Variants in SMOC2 observed in about 807,000 individuals in gnomAD.
The protein encoded by SMOC2 is SPARC-related modular calcium-binding protein 2.
Under a neutral mutation model 61.4 loss-of-function variants are expected in SMOC2, and 39 were observed. The observed-to-expected ratio is 0.64, with a 90% CI of 0.49 to 0.83. The LOEUF (loss-of-function observed/expected upper bound fraction) is 0.83. Among genes scored for constraint, SMOC2 ranks in the 40% least tolerant of loss-of-function variants. SMOC2 has a pLI of 0.00. For synonymous variants in SMOC2, 247 were observed against 239.9 expected, an observed-to-expected ratio of 1.03 and a Z score of -0.27; for missense variants, 556 against 592.9, an observed-to-expected ratio of 0.94 and a Z score of 0.65.
chr6:168,664,527 C>A, intron 12 of SMOC2: 1 of 385,934 alleles, frequency 2.6e-6, no homozygotes, highest in South Asian at 2.0e-5. Context: ...TTTTTTCAAG[C>A]AATTGTCTGA....
Position 168,451,716 on chromosome 6 carries a change from C to A in SMOC2, c.84+10262C>A, listed in dbSNP as rs112649866. Reference sequence around the variant, plus strand: ...GCAATCTCTCTGACCTGAACATACACGTCCGTTAAGTTCTTTCTTTTTAGG... The same window carrying A: ...GCAATCTCTCTGACCTGAACATACAAGTCCGTTAAGTTCTTTCTTTTTAGG... On this transcript the variant is annotated intron_variant, in intron 1 of 12. Transcript: ENST00000356284. 3.7e-3 allele frequency among the ~76,000 whole-genome samples: 556 copies of A among 152,258 alleles called. 2 individuals are homozygous for A. Among genetic ancestry groups the A allele is most frequent in the African/African-American group, 0.013 (536 of 41,540 alleles).
intron 2 of SMOC2, among the ~76,000 whole-genome samples, chr6:168,521,695 C>T (rs555095797): frequency 5.3e-5 from 8 of 152,158 alleles, no homozygotes; most frequent in Non-Finnish European, 1.2e-4. Flanking sequence ...CAAGCCTGGG[C>T]AACAAATCAA....
chr6:168,457,108 C>T (rs1688551939), intron 1 of SMOC2, among the ~76,000 whole-genome samples: 1 of 152,232 alleles, frequency 6.6e-6, no homozygotes, highest in Non-Finnish European at 1.5e-5. Context: ...CACACTGCCT[C>T]AGGCACAGCG....
intron 2 of SMOC2, among the ~76,000 whole-genome samples, chr6:168,520,250 T>A (rs992211788): frequency 2.0e-5 from 3 of 152,232 alleles, no homozygotes; most frequent in African/African-American, 7.2e-5. Flanking sequence ...TTTTTCTGAC[T>A]CTGGCCTTCA....
intron 5 of SMOC2, among the ~76,000 whole-genome samples, chr6:168,546,242 A>C (rs1455585547): frequency 7.4e-6 from 1 of 135,732 alleles, no homozygotes; most frequent in African/African-American, 2.9e-5. Context: ...GATATAAGCA[A>C]GCTTCAGTGA....
At chr6:168,610,750 T>C (rs1785837238) in intron 9 of SMOC2, among the ~76,000 whole-genome samples, 1 of 152,140 alleles carries the variant, frequency 6.6e-6, no homozygotes. Context: ...ATTGAGTCTT[T>C]GGAGGCCATC....
rs1179192733 is a variant in SMOC2, at chr6:168,558,954, CAT to C, written c.637+9752_637+9753del. 7.9e-5 allele frequency among the ~76,000 whole-genome samples: 12 copies of C among 152,112 alleles called. No homozygotes were observed. In the East Asian group the frequency reaches 1.2e-3, roughly 15 times the overall value. On this transcript the variant is annotated intron_variant, in intron 7 of 12. Transcript: ENST00000356284. The stretch of plus-strand genomic sequence containing the variant: ...ACGTGTGTGCGTGTGCATGCGTGTG[CAT>C]GTGTGTGTACGTGTATGCGTGCACA...
rs1047236683 is a variant in SMOC2, at chr6:168,441,285, A to G, written c.-86A>G. On this transcript the variant is annotated 5_prime_UTR_variant, in exon 1 of 13. Transcript: ENST00000356284. The stretch of plus-strand genomic sequence containing the variant: ...GAGCCGCCCCTCCACGCGCCCGCCC[A>G]GCCGCGCTCGCCCACTGGGCTCTCC... The G allele has an allele frequency of 2.0e-4, 286 of 1,416,578 alleles. 7 individuals are homozygous for G. In the East Asian group the frequency reaches 8.8e-3, roughly 43 times the overall value. 87.8% of individuals were successfully genotyped at this position (1,416,578 alleles called of 1,614,324 possible).
chr6:168,583,796 G>C (rs1784980470), intron 7 of SMOC2, among the ~76,000 whole-genome samples: 1 of 152,232 alleles, frequency 6.6e-6, no homozygotes, highest in Non-Finnish European at 1.5e-5. Flanking sequence ...TACGGAGAGA[G>C]TGGCCAGTAC....
At chr6:168,497,262 G>A (rs1423590103) in intron 1 of SMOC2, among the ~76,000 whole-genome samples, 1 of 152,238 alleles carries the variant, frequency 6.6e-6, no homozygotes, top group Non-Finnish European at 1.5e-5. Flanking sequence ...CAAATGAGGT[G>A]CCTGGGCTGG....
Position 168,493,995 on chromosome 6 carries a change from ATAT to A in SMOC2, c.85-15916_85-15914del, listed in dbSNP as rs201855203. Among the ~76,000 whole-genome samples, 1,130 of 152,368 alleles carry A rather than the reference ATAT, an allele frequency of 7.4e-3. 26 individuals carry two copies. Among genetic ancestry groups the A allele is most frequent in the Admixed American group, 0.052 (803 of 15,302 alleles). On this transcript the variant is annotated intron_variant, in intron 1 of 12. Transcript: ENST00000356284. ...CATAAGTGCATTTGGTAACCTTAAA[ATAT>A]TATGAGTGTGGGATCATTCCGATGC... is the stretch of plus-strand genomic sequence containing the variant.
At chr6:168,648,777 G>A (rs1273926937) in intron 9 of SMOC2, among the ~76,000 whole-genome samples, 2 of 152,192 alleles carry the variant, frequency 1.3e-5, no homozygotes, top group Non-Finnish European at 2.9e-5. Flanking sequence ...TTAATGAAGT[G>A]GAAGCCAGCA....
intron 7 of SMOC2, among the ~76,000 whole-genome samples, chr6:168,595,239 G>C (rs13213858): frequency 1.3e-5 from 1 of 78,648 alleles, no homozygotes; most frequent in South Asian, 4.3e-4. Flanking sequence ...CCTCCTTCCT[G>C]AGGCCTCACG....
chr6:168,533,939 A>G (rs936443393), intron 4 of SMOC2, among the ~76,000 whole-genome samples: 1 of 152,110 alleles, frequency 6.6e-6, no homozygotes, highest in Non-Finnish European at 1.5e-5. Flanking sequence ...ATAAATCTGA[A>G]TTTTATCTGT....
chr6:168,568,994 A>C (rs1784607034), intron 7 of SMOC2, among the ~76,000 whole-genome samples: 1 of 152,212 alleles, frequency 6.6e-6, no homozygotes, highest in Non-Finnish European at 1.5e-5. Flanking sequence ...GACAATTATG[A>C]ATAAAGCTGC....
intron 1 of SMOC2, among the ~76,000 whole-genome samples, chr6:168,494,007 T>C (rs1484118922): frequency 2.0e-5 from 3 of 152,254 alleles, no homozygotes; most frequent in African/African-American, 7.2e-5. Context: ...ATTATGAGTG[T>C]GGGATCATTC....
chr6:168,497,363 C>T (rs1782616527), intron 1 of SMOC2, among the ~76,000 whole-genome samples: 1 of 152,276 alleles, frequency 6.6e-6, no homozygotes, highest in Non-Finnish European at 1.5e-5. Flanking sequence ...GGCCTCTGCA[C>T]CTGCCCCCAG....
At chr6:168,601,915 G>C (rs1785564373) in intron 8 of SMOC2, among the ~76,000 whole-genome samples, 1 of 152,174 alleles carries the variant, frequency 6.6e-6, no homozygotes, top group Non-Finnish European at 1.5e-5. Flanking sequence ...TGGCTCTCCT[G>C]TTTCCTATTT....
rs138595269 is a variant in SMOC2 at position 168,602,839 on chromosome 6, G to A, written c.824+3835G>A. The stretch of plus-strand genomic sequence containing the variant: ...GCCTCTCTAGGGCCGAGATGCTGGA[G>A]GCAGTTGTAGCCACAGTGGCTGGGG... On this transcript the variant is annotated intron_variant, in intron 8 of 12. Transcript: ENST00000356284. Among the ~76,000 whole-genome samples, 867 of 152,316 alleles carry A rather than the reference G, an allele frequency of 5.7e-3. 9 individuals carry two copies. The highest frequency in any genetic ancestry group is 0.018 in the African/African-American group (730 of 41,584).
Sources: gnomAD v4.1 joint callset for allele counts (sites outside exome capture counted in the v4.1 genomes callset) on GRCh38, gnomAD v4.1.1 for gene constraint, MANE v1.5 for transcripts, NCBI Gene and HGNC (gene_info 2026-07-23, HGNC 2026-07-21) for gene names.